Variants in SLC35B3 observed in about 807,000 individuals in gnomAD.
The protein encoded by SLC35B3 is adenosine 3'-phospho 5'-phosphosulfate transporter 2.
SLC35B3 carries 35 observed loss-of-function variants against 44.1 expected under a neutral mutation model. That is an observed-to-expected ratio of 0.79 (90% confidence interval 0.61 to 1.05). The LOEUF (loss-of-function observed/expected upper bound fraction) is 1.05, where lower values mean the gene tolerates loss of function less well. SLC35B3 is among the 50% of genes least tolerant of loss of function. The pLI, the probability that SLC35B3 is intolerant of heterozygous loss-of-function variation, is 0.00. For missense variants in SLC35B3, 414 were observed against 476.4 expected, an observed-to-expected ratio of 0.87 and a Z score of 1.22; for synonymous variants, 146 against 167.3, an observed-to-expected ratio of 0.87 and a Z score of 0.98.
chr6:8,429,675 C>G, intron 3 of SLC35B3, 189 bp downstream of exon 2: 1 of 445,704 alleles, frequency 2.2e-6, no homozygotes. Flanking sequence ...TGCCTCCTCC[C>G]CACTTAAATT....
intron 9 of SLC35B3, among the ~76,000 whole-genome samples, chr6:8,416,057 C>A (rs1193315324): frequency 6.6e-6 from 1 of 152,118 alleles, no homozygotes; most frequent in Non-Finnish European, 1.5e-5. Context: ...GAACCTGGCT[C>A]TGGTTGACTA....
intron 3 of SLC35B3, 59 bp from the exon 3 acceptor site, chr6:8,428,117 T>C (rs932926669): frequency 2.2e-6 from 3 of 1,360,296 alleles, no homozygotes; most frequent in African/African-American, 1.5e-5. Context: ...TTCCTAAAAA[T>C]AAATTCTTAG....
rs769861644 is a variant in SLC35B3, at chr6:8,422,539, A to G, written c.505T>C (p.Tyr169His). 6.2e-7 allele frequency: 1 copy of G among 1,613,398 alleles called. No individual in the cohort carries two copies. Among genetic ancestry groups the G allele is most frequent in the Non-Finnish European group, 8.5e-7 (1 of 1,179,406 alleles). The change falls in exon 5 of 11, where the codon TAC becomes CAC. Residue 169 changes from tyrosine to histidine, a missense_variant. Coordinates refer to ENST00000644923, the MANE Select transcript of SLC35B3 (RefSeq NM_001370476.2). ...CACTTGAAGATGACTTGGGTAGGGT[A>G]ATTCAGGTAGCCCAAGGAAGTGTTT...
intron 8 of SLC35B3, 31 bp downstream of exon 7, chr6:8,417,371 A>AT (rs750236612): frequency 6.3e-3 from 7,241 of 1,140,398 alleles, no homozygotes; most frequent in Non-Finnish European, 7.3e-3. Flanking sequence ...TTAACAGAAG[A>AT]TTTTTTTTTT....
At position 8,432,280 on chromosome 6, in the gene SLC35B3, A is replaced by G. The variant is rs1764065250; in HGVS notation, c.3+2105T>C. Among the ~76,000 whole-genome samples the G allele has an allele frequency of 6.6e-6, 1 of 151,796 alleles. No individual in the cohort carries two copies. The highest frequency in any genetic ancestry group is 2.4e-5 in the African/African-American group (1 of 41,338). On this transcript the variant is annotated intron_variant, in intron 2 of 10. Transcript: ENST00000644923. The surrounding 1 kb of genome is among the most constrained non-coding windows in gnomAD (Gnocchi z 4.8). ...TTATGAGCAAAACTGAAAATCTTAT[A>G]GAAAAAGAGTGGGGAAAATTTACAA... is the stretch of plus-strand genomic sequence containing the variant.
At chr6:8,428,206 C>G in intron 3 of SLC35B3, 148 bp from the exon 3 acceptor site, 2 of 665,202 alleles carry the variant, frequency 3.0e-6, no homozygotes, top group Non-Finnish European at 4.5e-6. Flanking sequence ...GAAGCTCTTT[C>G]ATATTGGTAA....
chr6:8,432,726 A>ATGACAGTCCATAAGTGTGT lies in SLC35B3; in HGVS notation c.3+1640_3+1658dup, dbSNP rs1321833561. Among the ~76,000 whole-genome samples the ATGACAGTCCATAAGTGTGT allele has an allele frequency of 2.6e-5, 4 of 152,190 alleles. No homozygotes were observed. The highest frequency in any genetic ancestry group is 5.9e-5 in the Non-Finnish European group (4 of 68,046). ...AAATAAATGTAAAATTGCCTGGCAT[A>ATGACAGTCCATAAGTGTGT]TGACAGTCCATAAGTGTGTTAGCTG... On this transcript the variant is annotated intron_variant, in intron 2 of 10. Transcript: ENST00000644923. This position sits in a 1 kb window ranked among gnomAD's most constrained non-coding sequence, Gnocchi z 4.8.
At chr6:8,416,843 A>G (rs758727423) in intron 9 of SLC35B3, 41 bp downstream of exon 8, 54 of 1,022,258 alleles carry the variant, frequency 5.3e-5, no homozygotes, top group Non-Finnish European at 7.4e-5. Flanking sequence ...GAGAAAATGT[A>G]AATGCTTATT....
Position 8,420,648 on chromosome 6 carries a change from T to G in SLC35B3, c.682+73A>C. 8.7e-7 allele frequency: 1 copy of G among 1,148,960 alleles called. No homozygotes were observed. The highest frequency in any genetic ancestry group is 1.3e-6 in the Non-Finnish European group (1 of 785,178). The allele number at this position is 1,148,960 out of a possible 1,614,324, so 71.2% of individuals were successfully genotyped here. ...GCTGTCACACTATCATTTAAAATGC[T>G]TACAAAATATTCGAAATTCGTATTC... On this transcript the variant is annotated intron_variant, in intron 6 of 10. Transcript: ENST00000644923. This position sits in a 1 kb window ranked among gnomAD's most constrained non-coding sequence, Gnocchi z 4.4.
At chr6:8,425,946 A>T (rs1763373658) in intron 4 of SLC35B3, among the ~76,000 whole-genome samples, 1 of 152,206 alleles carries the variant, frequency 6.6e-6, no homozygotes, top group South Asian at 2.1e-4. Flanking sequence ...ATATCAAGAT[A>T]TTTCTCAAAT....
rs1022320277 is a variant in SLC35B3 at position 8,414,951 on chromosome 6, T to C, written c.1012A>G (p.Ile338Val). The C allele has an allele frequency of 1.9e-6, 3 of 1,606,062 alleles. No homozygotes were observed. Among genetic ancestry groups the C allele is most frequent in the African/African-American group, 1.3e-5 (1 of 74,820 alleles). Residue 338 changes from isoleucine (I) to valine (V), a missense_variant, in exon 10 of 11, where the codon ATT (isoleucine) becomes GTT (valine). Physicochemically the swap from Ile to Val is conservative, Grantham distance 29. Transcript: ENST00000644923. The stretch of plus-strand genomic sequence containing the variant: ...GCAAAGAATATAAACGAAAGTACAA[T>C]GGTCATTGCTTTTCTTCCTGTTGTC...
At chr6:8,421,039 A>G (rs1762846405) in intron 5 of SLC35B3, among the ~76,000 whole-genome samples, 1 of 152,210 alleles carries the variant, frequency 6.6e-6, no homozygotes, top group Non-Finnish European at 1.5e-5. Flanking sequence ...AACGAGAGCT[A>G]CTTTATCTGG....
rs1196628275 is a variant in SLC35B3 at position 8,432,182 on chromosome 6, C to A, written c.4-2025G>T. On this transcript the variant is annotated intron_variant, in intron 2 of 10. Coordinates refer to ENST00000644923, the MANE Select transcript of SLC35B3 (RefSeq NM_001370476.2). This position sits in a 1 kb window ranked among gnomAD's most constrained non-coding sequence, Gnocchi z 4.8. ...AACTGATCCTTCCTCTTGATACCCT[C>A]AAACTTCAGCTTGCAATCACTCACC... Among the ~76,000 whole-genome samples, 1 of 151,956 alleles carries A rather than the reference C, an allele frequency of 6.6e-6. No individual in the cohort carries two copies. Among genetic ancestry groups the A allele is most frequent in the Non-Finnish European group, 1.5e-5 (1 of 68,012 alleles).
At chr6:8,414,140 A>G (rs1198168602) in intron 10 of SLC35B3, among the ~76,000 whole-genome samples, 2 of 152,160 alleles carry the variant, frequency 1.3e-5, no homozygotes, top group African/African-American at 4.8e-5. Flanking sequence ...AAAGTAGGGG[A>G]ATCATTATAA....
chr6:8,414,083 C>T (rs981505594), intron 10 of SLC35B3, among the ~76,000 whole-genome samples: 2 of 152,024 alleles, frequency 1.3e-5, no homozygotes, highest in African/African-American at 2.4e-5. Flanking sequence ...AACTCGTTGT[C>T]TCAGTTGGGT....
chr6:8,415,260 G>A (rs749473232), intron 9 of SLC35B3, among the ~76,000 whole-genome samples: 1 of 152,126 alleles, frequency 6.6e-6, no homozygotes, highest in Non-Finnish European at 1.5e-5. Flanking sequence ...ATGGTATTAC[G>A]AAGCCACAGT....
rs976619758 is a variant in SLC35B3, at chr6:8,411,450, T to C, written c.*2099A>G. On this transcript the variant is annotated 3_prime_UTR_variant, in exon 11 of 11. Coordinates refer to ENST00000644923, the MANE Select transcript of SLC35B3 (RefSeq NM_001370476.2). ...AGAGGCAAAATAAGGCTTTGATAAGTCAAATTTATATTTTATCAAAGATTT... is the reference window on the plus strand; with the variant it reads ...AGAGGCAAAATAAGGCTTTGATAAGCCAAATTTATATTTTATCAAAGATTT... 1.3e-5 allele frequency among the ~76,000 whole-genome samples: 2 copies of C among 152,184 alleles called. No individual in the cohort carries two copies. The highest frequency in any genetic ancestry group is 4.8e-5 in the African/African-American group (2 of 41,446).
At position 8,433,252 on chromosome 6, in the gene SLC35B3, T is replaced by A. The variant is rs1193200321; in HGVS notation, c.3+1133A>T. On this transcript the variant is annotated intron_variant, in intron 2 of 10. Transcript: ENST00000644923. The surrounding 1 kb of genome is among the most constrained non-coding windows in gnomAD (Gnocchi z 4.1). ...CTGTCACATGGCTCAACGTGAAGTC[T>A]GATCATGCTGCATCCATGAATAAGG... Among the ~76,000 whole-genome samples, 2 of 152,176 alleles carry A rather than the reference T, an allele frequency of 1.3e-5. No individual in the cohort carries two copies. Among genetic ancestry groups the A allele is most frequent in the African/African-American group, 4.8e-5 (2 of 41,438 alleles).
At chr6:8,431,725 A>C (rs552099434) in intron 2 of SLC35B3, among the ~76,000 whole-genome samples, 5 of 152,216 alleles carry the variant, frequency 3.3e-5, no homozygotes, top group East Asian at 3.8e-4. Flanking sequence ...GCTTTAAATT[A>C]TCTCTCCTAA....
Sources: gnomAD v4.1 joint callset for allele counts (sites outside exome capture counted in the v4.1 genomes callset) on GRCh38, gnomAD v4.1.1 for gene constraint, Gnocchi (gnomAD v3.1) non-coding constraint, MANE v1.5 for transcripts, NCBI Gene and HGNC (gene_info 2026-07-23, HGNC 2026-07-21) for gene names.